Variants in SNX29 observed in about 807,000 individuals in gnomAD.
The protein encoded by SNX29 is sorting nexin 29.
In SNX29, 78 loss-of-function variants were observed where a neutral mutation model predicts 102.1. The ratio of observed to expected loss-of-function variants is 0.76; its 90% CI spans 0.64 to 0.92. The LOEUF is 0.92. SNX29 is among the 40% of genes least tolerant of loss of function. SNX29 has a pLI of 0.00. For missense variants in SNX29, 1,280 were observed against 1,061.7 expected (o/e 1.21, Z -2.86); for synonymous variants, 580 against 414.5 (o/e 1.40, Z -4.85).
chr16:12,316,486 T>G (rs888539328), intron 15 of SNX29, among the ~76,000 whole-genome samples: 1 of 152,132 alleles, frequency 6.6e-6, no homozygotes, highest in Admixed American at 6.5e-5. Flanking sequence ...GAGGTTGCAG[T>G]GAGCCGAGAT....
chr16:12,050,527 A>G lies in SNX29; in HGVS notation c.749-1320A>G, dbSNP rs920647975. ...GCTGGTGGTTAGATTGGAAGATCCAAGATGGCCCCATCCACGTGTCTGGAA... is the reference window on the plus strand; with the variant it reads ...GCTGGTGGTTAGATTGGAAGATCCAGGATGGCCCCATCCACGTGTCTGGAA... On this transcript the variant is annotated intron_variant, in intron 7 of 20. Coordinates refer to ENST00000566228, the MANE Select transcript of SNX29 (RefSeq NM_032167.5). Among the ~76,000 whole-genome samples, 5 of 152,104 alleles carry G rather than the reference A, an allele frequency of 3.3e-5. No individual in the cohort carries two copies. In the South Asian group the frequency reaches 6.2e-4, roughly 19 times the overall value.
intron 18 of SNX29, among the ~76,000 whole-genome samples, chr16:12,405,409 T>G (rs572921766): frequency 6.6e-6 from 1 of 152,248 alleles, no homozygotes; most frequent in Non-Finnish European, 1.5e-5. Context: ...TCCTTTACGG[T>G]GTGAAGCTCT....
At chr16:12,445,373 T>C (rs2086003770) in intron 18 of SNX29, among the ~76,000 whole-genome samples, 1 of 152,194 alleles carries the variant, frequency 6.6e-6, no homozygotes, top group African/African-American at 2.4e-5. Flanking sequence ...TCCTGTATGC[T>C]GAGCCGTCCT....
intron 18 of SNX29, among the ~76,000 whole-genome samples, chr16:12,446,436 C>T (rs571658791): frequency 6.6e-6 from 1 of 152,146 alleles, no homozygotes; most frequent in Non-Finnish European, 1.5e-5. Context: ...ATTAATTGTT[C>T]TTTATCATCT....
intron 20 of SNX29, among the ~76,000 whole-genome samples, chr16:12,547,991 C>T (rs962700321): frequency 9.9e-5 from 15 of 152,106 alleles, no homozygotes; most frequent in African/African-American, 2.2e-4. Context: ...ACAGGGGTCT[C>T]GAGTGAACGT....
chr16:12,216,165 A>G (rs2077317833), intron 14 of SNX29, among the ~76,000 whole-genome samples: 1 of 152,270 alleles, frequency 6.6e-6, no homozygotes, highest in Non-Finnish European at 1.5e-5. Flanking sequence ...AGAAAATTAA[A>G]GAAGATAGAC....
intron 4 of SNX29, among the ~76,000 whole-genome samples, chr16:12,032,203 C>T (rs28796694): frequency 0.42 from 51,500 of 123,860 alleles, 11,057 homozygotes; most frequent in Non-Finnish European, 0.48. Context: ...TCTTCTTCTT[C>T]TTTTTTTTTT....
At chr16:12,188,379 C>T (rs1336708715) in intron 13 of SNX29, among the ~76,000 whole-genome samples, 1 of 152,136 alleles carries the variant, frequency 6.6e-6, no homozygotes, top group Non-Finnish European at 1.5e-5. Flanking sequence ...GGCTGTCTGA[C>T]CTGAAAGCAA....
chr16:12,519,455 A>G (rs1333776488), intron 19 of SNX29, among the ~76,000 whole-genome samples: 1 of 152,250 alleles, frequency 6.6e-6, no homozygotes, highest in Non-Finnish European at 1.5e-5. Flanking sequence ...AGATAACACC[A>G]ATGACTCATC....
chr16:12,342,488 G>A (rs1353384311), intron 15 of SNX29, among the ~76,000 whole-genome samples: 1 of 152,162 alleles, frequency 6.6e-6, no homozygotes, highest in East Asian at 1.9e-4. Flanking sequence ...ATTCCATGTT[G>A]TTGTTTTAAA....
At chr16:12,202,868 A>T (rs2076946909) in intron 14 of SNX29, among the ~76,000 whole-genome samples, 1 of 152,230 alleles carries the variant, frequency 6.6e-6, no homozygotes, top group African/African-American at 2.4e-5. Flanking sequence ...GCATCACTTC[A>T]ACCTTAGGGT....
rs184774812 is a variant in SNX29 at position 12,560,747 on chromosome 16, C to T, written c.2319-7759C>T. 97 of 170,948 alleles carry T rather than the reference C, an allele frequency of 5.7e-4. 2 individuals are homozygous for T. The East Asian group carries it at 8.4e-3, about 15-fold the overall frequency. 10.6% of individuals were successfully genotyped at this position (170,948 alleles called of 1,614,324 possible). A position where few individuals can be genotyped will look rare whatever the true frequency, so the allele number is the denominator to read the frequency against. On this transcript the variant is annotated intron_variant, in intron 20 of 20. Transcript: ENST00000566228. ...TCAACATCAAAACCAACCTCTGCTC[C>T]TGATTAGCCATAGGATTTACCCTCT...
At chr16:12,228,430 G>T (rs1277510549) in intron 14 of SNX29, among the ~76,000 whole-genome samples, 3 of 152,218 alleles carry the variant, frequency 2.0e-5, no homozygotes, top group African/African-American at 7.2e-5. Flanking sequence ...CTTGCCTCCA[G>T]CACAGTCCAT....
chr16:12,028,378 T>A (rs2057250023), intron 4 of SNX29, among the ~76,000 whole-genome samples: 1 of 152,196 alleles, frequency 6.6e-6, no homozygotes, highest in Non-Finnish European at 1.5e-5. Flanking sequence ...TTATTTATTT[T>A]TTAGAGTTGG....
At chr16:12,127,328 C>G (rs558335253) in intron 12 of SNX29, among the ~76,000 whole-genome samples, 1 of 151,782 alleles carries the variant, frequency 6.6e-6, no homozygotes, top group East Asian at 1.9e-4. Flanking sequence ...ACTATATTCA[C>G]AGGAGTTAAC....
chr16:12,048,667 T>A lies in SNX29; in HGVS notation c.748+47T>A, dbSNP rs777480540. On this transcript the variant is annotated intron_variant, in intron 7 of 20. Coordinates refer to ENST00000566228, the MANE Select transcript of SNX29 (RefSeq NM_032167.5). The stretch of plus-strand genomic sequence containing the variant: ...AGGCGGAGCAGAGGGAATCAGAATG[T>A]GGCGGATGGGGTGGACATATCTTGT... 3.1e-6 allele frequency: 5 copies of A among 1,613,696 alleles called. No homozygotes were observed. In the East Asian group the frequency reaches 1.1e-4, roughly 36 times the overall value.
At chr16:12,119,720 G>T (rs1442377702) in intron 11 of SNX29, among the ~76,000 whole-genome samples, 1 of 148,644 alleles carries the variant, frequency 6.7e-6, no homozygotes, top group African/African-American at 2.5e-5. Flanking sequence ...TGCCCGCTTG[G>T]GGGGACAGGC....
At chr16:12,276,336 C>CG (rs1398356357) in intron 14 of SNX29, among the ~76,000 whole-genome samples, 1 of 152,320 alleles carries the variant, frequency 6.6e-6, no homozygotes, top group Admixed American at 6.5e-5. Context: ...TCCCTGCATT[C>CG]GTGGCCCAGG....
chr16:12,432,868 G>A (rs929521306), intron 18 of SNX29, among the ~76,000 whole-genome samples: 1 of 152,246 alleles, frequency 6.6e-6, no homozygotes, highest in African/African-American at 2.4e-5. Context: ...CAACTGCCAG[G>A]GGCAGAAGAC....
Sources: allele counts gnomAD v4.1 joint callset (sites outside exome capture counted in the v4.1 genomes callset), GRCh38; gene constraint gnomAD v4.1.1; transcripts MANE v1.5; gene names NCBI Gene and HGNC (gene_info 2026-07-23, HGNC 2026-07-21).